ALCAM: variants seen among roughly 807,000 people sequenced by gnomAD.
ALCAM encodes the protein activated leukocyte cell adhesion molecule.
In ALCAM, 30 loss-of-function variants were observed where a neutral mutation model predicts 70.9. The ratio of observed to expected loss-of-function variants is 0.42; its 90% confidence interval spans 0.32 to 0.57. The LOEUF (loss-of-function observed/expected upper bound fraction) is 0.57, where lower values mean the gene tolerates loss of function less well. Ranked by LOEUF, ALCAM falls within the 20% of genes least tolerant of loss-of-function variation. The pLI, the probability that ALCAM is intolerant of heterozygous loss-of-function variation, is 0.11. For synonymous variants in ALCAM, 249 were observed against 242.5 expected (o/e 1.03, Z -0.25); for missense variants, 591 against 695.1 (o/e 0.85, Z 1.68).
At chr3:105,382,553 C>A (rs1935549262) in intron 1 of ALCAM, among the ~76,000 whole-genome samples, 1 of 152,032 alleles carries the variant, frequency 6.6e-6, no homozygotes, top group Admixed American at 6.6e-5. Flanking sequence ...TACAGTCCCA[C>A]CAACAGTGTA....
chr3:105,437,650 A>G (rs1211759922), intron 1 of ALCAM, among the ~76,000 whole-genome samples: 1 of 152,084 alleles, frequency 6.6e-6, no homozygotes, highest in Non-Finnish European at 1.5e-5. Flanking sequence ...TCTTTCTAGG[A>G]TAATAGCTTC....
chr3:105,535,208 TTAA>T (rs1365077997), intron 6 of ALCAM, among the ~76,000 whole-genome samples: 1 of 152,186 alleles, frequency 6.6e-6, no homozygotes, highest in Non-Finnish European at 1.5e-5. Context: ...GAAATTTATT[TTAA>T]TAATAAGATC....
chr3:105,416,579 A>G (rs1440253514), intron 1 of ALCAM, among the ~76,000 whole-genome samples: 3 of 151,980 alleles, frequency 2.0e-5, no homozygotes, highest in Non-Finnish European at 2.9e-5. Flanking sequence ...GTTATTATGC[A>G]ATTGCTCCGT....
chr3:105,371,709 G>A (rs1935237128), intron 1 of ALCAM, among the ~76,000 whole-genome samples: 2 of 151,788 alleles, frequency 1.3e-5, no homozygotes, highest in African/African-American at 4.8e-5. Context: ...TTCTGTTCTG[G>A]CCATTTATTT....
intron 1 of ALCAM, among the ~76,000 whole-genome samples, chr3:105,395,590 T>C (rs559263772): frequency 6.6e-6 from 1 of 152,136 alleles, no homozygotes; most frequent in Admixed American, 6.6e-5. Context: ...TCAATATGAC[T>C]TATGACACCA....
intron 1 of ALCAM, among the ~76,000 whole-genome samples, chr3:105,394,439 GAATCCCTGGTTCTCTTTTC>G (rs1280863868): frequency 6.6e-6 from 1 of 151,896 alleles, no homozygotes; most frequent in Admixed American, 6.6e-5. Context: ...AGGCTTTTCT[GAATCCCTGGTTCTCTTTTC>G]AACAGGCCCA....
chr3:105,408,386 G>A (rs1936302735), intron 1 of ALCAM, among the ~76,000 whole-genome samples: 1 of 152,064 alleles, frequency 6.6e-6, no homozygotes, highest in South Asian at 2.1e-4. Flanking sequence ...AGAAAACCCA[G>A]AAATAAACCC....
intron 2 of ALCAM, among the ~76,000 whole-genome samples, chr3:105,524,043 A>G (rs994343035): frequency 1.3e-5 from 2 of 152,090 alleles, no homozygotes; most frequent in Admixed American, 6.5e-5. Context: ...TAATAATTCT[A>G]TCTTCTCAAT....
At chr3:105,473,897 T>A (rs1452971979) in intron 1 of ALCAM, among the ~76,000 whole-genome samples, 5 of 151,266 alleles carry the variant, frequency 3.3e-5, no homozygotes, top group Admixed American at 1.3e-4. Context: ...TTTTTTTTTT[T>A]AAAGTTAAGG....
At chr3:105,383,809 G>A (rs1156536923) in intron 1 of ALCAM, among the ~76,000 whole-genome samples, 1 of 151,666 alleles carries the variant, frequency 6.6e-6, no homozygotes, top group African/African-American at 2.4e-5. Flanking sequence ...AAAACTGTAG[G>A]TTTGTGAAGA....
chr3:105,407,962 C>T (rs1162629614), intron 1 of ALCAM, among the ~76,000 whole-genome samples: 1 of 151,942 alleles, frequency 6.6e-6, no homozygotes, highest in African/African-American at 2.4e-5. Flanking sequence ...TTTACAATAG[C>T]TGCAAAAAAT....
chr3:105,367,544 C>G (rs761057830), intron 1 of ALCAM, 63 bp downstream of exon 1: 9 of 1,587,766 alleles, frequency 5.7e-6, no homozygotes, highest in Non-Finnish European at 6.9e-6. Flanking sequence ...CCTAGGTCCC[C>G]GTCCCAGCCT....
rs188198292 is a variant in ALCAM at position 105,408,857 on chromosome 3, A to G, written c.73+41376A>G. 5.3e-5 allele frequency among the ~76,000 whole-genome samples: 8 copies of G among 152,264 alleles called. No homozygotes were observed. In the East Asian group the frequency reaches 7.7e-4, roughly 15 times the overall value. On this transcript the variant is annotated intron_variant, in intron 1 of 15. Coordinates refer to ENST00000306107, the MANE Select transcript of ALCAM (RefSeq NM_001627.4). ...AAGAATTCAAATAAATCAGCAAGAA[A>G]AAAAACAATTCCATCAAAAAGCGGG...
rs565825409 is a variant in ALCAM, at chr3:105,387,947, CTT to C, written c.73+20471_73+20472del. On this transcript the variant is annotated intron_variant, in intron 1 of 15. Coordinates refer to ENST00000306107, the MANE Select transcript of ALCAM (RefSeq NM_001627.4). ...ATTATCTCTTTTTTTAATATTTGCA[CTT>C]TTTTGTTCTCATCAGTATCCATAAT... Among the ~76,000 whole-genome samples the C allele has an allele frequency of 2.9e-3, 441 of 151,524 alleles. 1 individual carries two copies. The highest frequency in any genetic ancestry group is 7.6e-3 in the Admixed American group (115 of 15,122).
intron 1 of ALCAM, among the ~76,000 whole-genome samples, chr3:105,463,979 T>A (rs911873719): frequency 6.6e-6 from 1 of 151,400 alleles, no homozygotes; most frequent in African/African-American, 2.4e-5. Context: ...ACAAGCAAGA[T>A]TAAAATAAGC....
intron 1 of ALCAM, among the ~76,000 whole-genome samples, chr3:105,387,231 C>T (rs1410209623): frequency 6.6e-6 from 1 of 151,142 alleles, no homozygotes; most frequent in East Asian, 1.9e-4. Flanking sequence ...ATCCTTCCCA[C>T]CCTCACACAC....
chr3:105,416,141 T>A (rs1274940948), intron 1 of ALCAM, among the ~76,000 whole-genome samples: 1 of 152,028 alleles, frequency 6.6e-6, no homozygotes, highest in African/African-American at 2.4e-5. Flanking sequence ...ACTTTGTTCT[T>A]TCTCTTAAGG....
chr3:105,477,696 A>C (rs1240038676), intron 1 of ALCAM, among the ~76,000 whole-genome samples: 1 of 152,006 alleles, frequency 6.6e-6, no homozygotes, highest in Non-Finnish European at 1.5e-5. Context: ...CTCTACTCTC[A>C]TTCTTGCATT....
chr3:105,541,670 C>T lies in ALCAM; in HGVS notation c.896C>T (p.Thr299Ile). The T allele has an allele frequency of 6.2e-7, 1 of 1,612,118 alleles. No homozygotes were observed. The highest frequency in any genetic ancestry group is 8.5e-7 in the Non-Finnish European group (1 of 1,178,764). ...PEGIRSSNTY[T>I]LTDVRRNATG... is the part of the protein sequence containing the mutation. Reference sequence around the variant, plus strand: ...GGAATAAGAAGCTCAAATACTTACACACTGACGGATGTGAGGCGCAATGCA... The same window carrying T: ...GGAATAAGAAGCTCAAATACTTACATACTGACGGATGTGAGGCGCAATGCA... The change falls in exon 8 of 16, where the codon ACA (threonine) becomes ATA (isoleucine). Residue 299 changes from threonine (T) to isoleucine (I), a missense_variant. Transcript: ENST00000306107.
Sources: gnomAD v4.1 joint callset for allele counts (sites outside exome capture counted in the v4.1 genomes callset) on GRCh38, gnomAD v4.1.1 for gene constraint, MANE v1.5 for transcripts, NCBI Gene and HGNC (gene_info 2026-07-23, HGNC 2026-07-21) for gene names.